Variants in ITGA1 observed in about 807,000 individuals in gnomAD.
The protein encoded by ITGA1 is integrin alpha-1.
Under a neutral mutation model 145.9 loss-of-function variants are expected in ITGA1, and 85 were observed. The ratio of observed to expected loss-of-function variants is 0.58; its 90% CI spans 0.49 to 0.70. The LOEUF is 0.70. ITGA1 is among the 30% of genes least tolerant of loss of function. ITGA1 has a pLI of 0.00. For missense variants in ITGA1, 1,351 were observed against 1,418.7 expected (o/e 0.95, Z 0.77); for synonymous variants, 520 against 495.3 (o/e 1.05, Z -0.66).
chr5:52,900,471 G>C (rs909882740), intron 11 of ITGA1, among the ~76,000 whole-genome samples: 1 of 152,090 alleles, frequency 6.6e-6, no homozygotes, highest in Admixed American at 6.6e-5. Flanking sequence ...AGTGAACAAT[G>C]ATTTCCATTG....
At chr5:52,930,237 C>A (rs9686276) in intron 21 of ITGA1, among the ~76,000 whole-genome samples, 66,753 of 151,886 alleles carry the variant, frequency 0.44, 15,375 homozygotes, top group Non-Finnish European at 0.5. Flanking sequence ...GACCTGTCTG[C>A]AGTGAGATGG....
chr5:52,921,164 A>T (rs547747198), intron 17 of ITGA1, among the ~76,000 whole-genome samples: 4 of 152,302 alleles, frequency 2.6e-5, no homozygotes, highest in African/African-American at 9.6e-5. Context: ...CTTAAAATGT[A>T]CATGAGAGTG....
intron 17 of ITGA1, among the ~76,000 whole-genome samples, chr5:52,922,208 G>A (rs929507838): frequency 7.2e-5 from 11 of 152,110 alleles, no homozygotes; most frequent in Non-Finnish European, 1.6e-4. Flanking sequence ...GGCTGAGGCA[G>A]GAGAATCACT....
At chr5:52,937,265 T>C (rs1285197379) in intron 23 of ITGA1, 136 bp from the exon 24 acceptor site, 1 of 656,038 alleles carries the variant, frequency 1.5e-6, no homozygotes, top group Non-Finnish European at 2.7e-6. Context: ...TACAGCACCA[T>C]AAAGGATCTA....
intron 28 of ITGA1, among the ~76,000 whole-genome samples, 177 bp from the exon 29 acceptor site, chr5:52,952,230 A>G (rs1232000915): frequency 6.6e-6 from 1 of 152,042 alleles, no homozygotes; most frequent in Non-Finnish European, 1.5e-5. Flanking sequence ...GCAATTTAAT[A>G]AATGTCATTT....
At chr5:52,893,271 G>T (rs1437369030) in intron 8 of ITGA1, among the ~76,000 whole-genome samples, 2 of 152,144 alleles carry the variant, frequency 1.3e-5, no homozygotes, top group Admixed American at 6.5e-5. Flanking sequence ...TCATTCAAAA[G>T]CAGGCAACTC....
rs1561246313 is a variant in ITGA1 at position 52,911,541 on chromosome 5, C to CATATACTATATATAGTGTATCTACTAT, written c.1857+1137_1857+1163dup. On this transcript the variant is annotated intron_variant, in intron 14 of 28. Transcript: ENST00000282588. ...AGTATATATATCTATATATTAGATA[C>CATATACTATATATAGTGTATCTACTAT]ATATACTATATATAGTGTATCTACT... 7.7e-4 allele frequency among the ~76,000 whole-genome samples: 80 copies of CATATACTATATATAGTGTATCTACTAT among 103,640 alleles called. 9 individuals are homozygous for CATATACTATATATAGTGTATCTACTAT. The South Asian group carries it at 0.012, about 15-fold the overall frequency. 68.0% of individuals were successfully genotyped at this position (103,640 alleles called of 152,430 possible). A position where few individuals can be genotyped will look rare whatever the true frequency, so the allele number is the denominator to read the frequency against.
intron 1 of ITGA1, among the ~76,000 whole-genome samples, chr5:52,831,538 G>GA (rs5867837): frequency 0.62 from 93,608 of 149,808 alleles, 29,294 homozygotes; most frequent in South Asian, 0.75. Flanking sequence ...AAAGAGAAAA[G>GA]AAAAAAAAAC....
chr5:52,804,473 C>A (rs1748552920), intron 1 of ITGA1, among the ~76,000 whole-genome samples: 1 of 152,114 alleles, frequency 6.6e-6, no homozygotes. Flanking sequence ...ACTTTCATTA[C>A]CGTCTTAGAA....
In ITGA1 at chr5:52,956,476, A is replaced by G. The variant is rs1751307734; in HGVS notation, c.*4025A>G. On this transcript the variant is annotated 3_prime_UTR_variant, in exon 29 of 29. Transcript: ENST00000282588. The stretch of plus-strand genomic sequence containing the variant: ...GACTACTGGAGAAAAATCTGTTAAT[A>G]AAACATTTGCTCTGAGTACCAGCTT... 1 of 152,200 alleles carries G rather than the reference A, an allele frequency of 6.6e-6. No homozygotes were observed. Among genetic ancestry groups the G allele is most frequent in the Non-Finnish European group, 1.5e-5 (1 of 68,040 alleles). The allele number at this position is 152,200 out of a possible 1,614,324, so 9.4% of individuals were successfully genotyped here.
chr5:52,874,254 G>A (rs1398098721), intron 6 of ITGA1, among the ~76,000 whole-genome samples: 1 of 152,040 alleles, frequency 6.6e-6, no homozygotes, highest in Non-Finnish European at 1.5e-5. Context: ...GTAACAACCT[G>A]TTCTCTTGTA....
intron 8 of ITGA1, among the ~76,000 whole-genome samples, chr5:52,888,172 C>A (rs1038233429): frequency 6.9e-6 from 1 of 145,348 alleles, no homozygotes. Flanking sequence ...AGACACTCAA[C>A]AAACAATCAT....
intron 1 of ITGA1, among the ~76,000 whole-genome samples, chr5:52,791,276 G>C (rs1021427349): frequency 6.6e-6 from 1 of 152,164 alleles, no homozygotes; most frequent in African/African-American, 2.4e-5. Flanking sequence ...GGAGCATCTA[G>C]CGCAAGCAAC....
intron 1 of ITGA1, among the ~76,000 whole-genome samples, chr5:52,845,099 C>A (rs1749312541): frequency 6.6e-6 from 1 of 151,972 alleles, no homozygotes; most frequent in African/African-American, 2.4e-5. Flanking sequence ...CAGCACACAC[C>A]CCCAGACATT....
intron 14 of ITGA1, among the ~76,000 whole-genome samples, chr5:52,911,489 AG>A (rs1212529898): frequency 7.7e-6 from 1 of 129,548 alleles, no homozygotes; most frequent in Non-Finnish European, 1.6e-5. Flanking sequence ...CACTATATAT[AG>A]TATATATAGT....
At chr5:52,847,501 A>C (rs927381609) in intron 1 of ITGA1, among the ~76,000 whole-genome samples, 1 of 152,158 alleles carries the variant, frequency 6.6e-6, no homozygotes, top group African/African-American at 2.4e-5. Flanking sequence ...AATGTACCTG[A>C]TGAGGCTCTG....
intron 1 of ITGA1, among the ~76,000 whole-genome samples, chr5:52,796,602 G>T (rs540516788): frequency 6.6e-6 from 1 of 152,034 alleles, no homozygotes; most frequent in African/African-American, 2.4e-5. Context: ...AACAATATAA[G>T]TAAGTGCCTT....
intron 1 of ITGA1, among the ~76,000 whole-genome samples, chr5:52,844,810 C>T (rs770322407): frequency 4.0e-5 from 6 of 151,858 alleles, no homozygotes; most frequent in Non-Finnish European, 7.4e-5. Context: ...AGTGGAGGCT[C>T]GGTTGTGAAT....
At chr5:52,884,447 T>TA (rs72022536) in intron 7 of ITGA1, among the ~76,000 whole-genome samples, 26,663 of 136,546 alleles carry the variant, frequency 0.2, 2,556 homozygotes, top group African/African-American at 0.24. Context: ...AACTCTGCCT[T>TA]AAAAAAAAAA....
Sources: gnomAD v4.1 joint callset for allele counts (sites outside exome capture counted in the v4.1 genomes callset) on GRCh38, gnomAD v4.1.1 for gene constraint, MANE v1.5 for transcripts, NCBI Gene and HGNC (gene_info 2026-07-23, HGNC 2026-07-21) for gene names.